Variants in RBM4 observed in about 807,000 individuals in gnomAD.
The protein encoded by RBM4 is RNA-binding protein 4.
In RBM4, 7 loss-of-function variants were observed where a neutral mutation model predicts 29.5. The ratio of observed to expected loss-of-function variants is 0.24; its 90% CI spans 0.14 to 0.45. The LOEUF (loss-of-function observed/expected upper bound fraction) is 0.45, where lower values mean the gene tolerates loss of function less well. RBM4 is among the 20% of genes least tolerant of loss of function. The probability of loss-of-function intolerance (pLI) is 1.00; values close to 1 mark genes in which losing one functional copy is unlikely to be tolerated. For missense variants in RBM4, 387 were observed against 502.3 expected (o/e 0.77, Z 2.19); for synonymous variants, 220 against 205.4 (o/e 1.07, Z -0.61).
exon 3 of RBM4, chr11:66,666,076 CCAGT>C (rs1939221679): frequency 1.0e-6 from 1 of 999,858 alleles, no homozygotes; most frequent in East Asian, 2.6e-5. Context: ...CAAGGAGCAG[CCAGT>C]CATTCACCCA....
At chr11:66,658,242 G>T (rs1264977880) in intron 2 of RBM4, among the ~76,000 whole-genome samples, 1 of 146,494 alleles carries the variant, frequency 6.8e-6, no homozygotes, top group Non-Finnish European at 1.5e-5. Flanking sequence ...TGGTCAGGTT[G>T]GTTTTGAACT....
chr11:66,648,479 G>A (rs539891988), downstream of RBM4, among the ~76,000 whole-genome samples: 1 of 152,094 alleles, frequency 6.6e-6, no homozygotes. Flanking sequence ...CTAAGATCAG[G>A]CCACTGCACT....
At chr11:66,639,050 C>T (rs915855749) in intron 1 of RBM4, 2 of 152,116 alleles carry the variant, frequency 1.3e-5, no homozygotes, top group South Asian at 2.1e-4. Context: ...ATTCTCGTTT[C>T]GGGAATTTCT....
At chr11:66,666,680 G>A (rs1450408258) in exon 3 of RBM4, 1 of 152,738 alleles carries the variant, frequency 6.5e-6, no homozygotes, top group Non-Finnish European at 1.5e-5. Flanking sequence ...GCTTACTTCG[G>A]AAGCATGTCC....
At chr11:66,662,469 T>G (rs750694443) in intron 2 of RBM4, among the ~76,000 whole-genome samples, 11 of 152,164 alleles carry the variant, frequency 7.2e-5, no homozygotes, top group Non-Finnish European at 1.3e-4. Context: ...TGGCGTGATC[T>G]TGGCTCACTG....
chr11:66,665,666 T>G, intron 2 of RBM4: 1 of 1,520,346 alleles, frequency 6.6e-7, no homozygotes, highest in Non-Finnish European at 8.8e-7. Flanking sequence ...CTGTCCTGTA[T>G]TCCGGGGGGA....
At chr11:66,652,710 C>G (rs1029691211) in intron 2 of RBM4, among the ~76,000 whole-genome samples, 6 of 152,064 alleles carry the variant, frequency 3.9e-5, no homozygotes, top group African/African-American at 9.7e-5. Flanking sequence ...CCTTCAGATA[C>G]AAAATTGGGT....
intron 1 of RBM4, chr11:66,639,473 A>G (rs1938343485): frequency 8.3e-6 from 5 of 598,984 alleles, no homozygotes; most frequent in African/African-American, 3.7e-5. Context: ...CCCTTTGTCT[A>G]CTAAGGACCT....
chr11:66,660,015 C>T (rs1017724879), intron 2 of RBM4, among the ~76,000 whole-genome samples: 3 of 152,090 alleles, frequency 2.0e-5, no homozygotes, highest in Admixed American at 2.0e-4. Context: ...CGTGCCTTTC[C>T]TCTGTCACAC....
At position 66,646,118 on chromosome 11, in the gene RBM4, G is replaced by A; in HGVS notation, c.*100G>A. 2.0e-6 allele frequency: 3 copies of A among 1,534,726 alleles called. No individual in the cohort carries two copies. Among genetic ancestry groups the A allele is most frequent in the Non-Finnish European group, 1.7e-6 (2 of 1,146,646 alleles). ...CCATCTCCGGGACGTTCTCGGCTCT[G>A]TGCGTTCAGTCCCTCAGGAACCGTG... is the stretch of plus-strand genomic sequence containing the variant. On this transcript the variant is annotated 3_prime_UTR_variant, in exon 4 of 4. Transcript: ENST00000310092.
intron 2 of RBM4, among the ~76,000 whole-genome samples, chr11:66,661,978 C>T (rs1414695672): frequency 5.3e-5 from 8 of 152,078 alleles, no homozygotes; most frequent in Non-Finnish European, 1.0e-4. Flanking sequence ...TGCAGTGAGC[C>T]GAGATCATGC....
chr11:66,666,007 GTTTTA>G (rs1414531356), exon 3 of RBM4: 5 of 1,446,220 alleles, frequency 3.5e-6, no homozygotes, highest in African/African-American at 1.4e-5. Context: ...AATGTGTTTT[GTTTTA>G]ATCTTTCACA....
At chr11:66,640,221 T>G in intron 2 of RBM4, 98 bp downstream of exon 2, 126 of 1,419,172 alleles carry the variant, frequency 8.9e-5, no homozygotes, top group Non-Finnish European at 1.1e-4. Context: ...TAACAGCTGT[T>G]GGCTGGCTGG....
chr11:66,661,626 G>A lies in RBM4; in HGVS notation c.413-4230G>A, dbSNP rs77591823. ...ATAAATGAATTCAGGAGCTTTTAGC[G>A]TTGAGAGGCCTCATGGGACTCTGAA... On this transcript the variant is annotated intron_variant, in intron 2 of 2. Transcript: ENST00000396053. Among the ~76,000 whole-genome samples, 28 of 152,304 alleles carry A rather than the reference G, an allele frequency of 1.8e-4. No individual in the cohort carries two copies. In the East Asian group the frequency reaches 2.5e-3, roughly 14 times the overall value.
chr11:66,667,435 A>C (rs1024414331), exon 3 of RBM4: 1 of 152,166 alleles, frequency 6.6e-6, no homozygotes, highest in Non-Finnish European at 1.5e-5. Flanking sequence ...CAAAAAACAC[A>C]AACAAAAATT....
intron 2 of RBM4, chr11:66,665,512 G>A: frequency 7.9e-7 from 1 of 1,259,692 alleles, no homozygotes; most frequent in Non-Finnish European, 1.1e-6. Flanking sequence ...TCCCGGCAAA[G>A]GGGACCGCGC....
At chr11:66,665,897 A>G (rs143939117) in exon 3 of RBM4, 2 of 1,535,382 alleles carry the variant, frequency 1.3e-6, no homozygotes, top group African/African-American at 1.4e-5. Context: ...TTGCTGTAAC[A>G]AAGGGCATAC....
At chr11:66,648,231 A>G (rs916371183), downstream of RBM4, among the ~76,000 whole-genome samples, 2 of 151,976 alleles carry the variant, frequency 1.3e-5, no homozygotes, top group Middle Eastern at 3.2e-3. Flanking sequence ...TAAAATTTTA[A>G]GTCCTTGGCC....
chr11:66,655,453 C>T (rs1311473309), intron 2 of RBM4, among the ~76,000 whole-genome samples: 2 of 152,044 alleles, frequency 1.3e-5, no homozygotes, highest in East Asian at 1.9e-4. Context: ...ACATCCCACT[C>T]GTATTTCTTG....
Sources: allele counts gnomAD v4.1 joint callset (sites outside exome capture counted in the v4.1 genomes callset), GRCh38; gene constraint gnomAD v4.1.1; transcripts MANE v1.5; gene names NCBI Gene and HGNC (gene_info 2026-07-23, HGNC 2026-07-21).